Variants in TBCEL observed in about 807,000 individuals in gnomAD.
The protein encoded by TBCEL is tubulin-specific chaperone cofactor E-like protein.
A neutral mutation model predicts 44.2 loss-of-function variants in TBCEL; 15 were observed. That is an observed-to-expected ratio of 0.34 (90% CI 0.23 to 0.52). TBCEL has a LOEUF of 0.52. Ranked by LOEUF, TBCEL falls within the 20% of genes least tolerant of loss-of-function variation. The pLI is 0.95. For synonymous variants in TBCEL, 171 were observed against 185.4 expected, an observed-to-expected ratio of 0.92 and a Z score of 0.63; for missense variants, 319 against 506.3, an observed-to-expected ratio of 0.63 and a Z score of 3.55.
At chr11:121,081,784 A>T (rs964505051) in intron 8 of TBCEL, among the ~76,000 whole-genome samples, 1 of 152,212 alleles carries the variant, frequency 6.6e-6, no homozygotes, top group Non-Finnish European at 1.5e-5. Context: ...GAGAAAACAG[A>T]TTATCTTGAA....
chr11:121,032,787 T>C (rs1945167645), intron 1 of TBCEL, among the ~76,000 whole-genome samples: 1 of 152,236 alleles, frequency 6.6e-6, no homozygotes, highest in Non-Finnish European at 1.5e-5. Flanking sequence ...GAAGGCGTAG[T>C]GCCACCTTGT....
At chr11:121,082,809 C>G (rs1284077883) in intron 8 of TBCEL, among the ~76,000 whole-genome samples, 1 of 152,204 alleles carries the variant, frequency 6.6e-6, no homozygotes, top group South Asian at 2.1e-4. Flanking sequence ...ACCAAGGGCA[C>G]TGCGCACCTT....
intron 6 of TBCEL, among the ~76,000 whole-genome samples, chr11:121,056,989 A>T (rs1348142703): frequency 6.6e-6 from 1 of 151,894 alleles, no homozygotes; most frequent in Admixed American, 6.6e-5. Flanking sequence ...CTACATAATT[A>T]GAAATAACTC....
In TBCEL at chr11:121,056,088, A is replaced by T. The variant is rs568988596; in HGVS notation, c.712+780A>T. Among the ~76,000 whole-genome samples the T allele has an allele frequency of 1.4e-4, 22 of 151,950 alleles. No individual in the cohort carries two copies. In the South Asian group the frequency reaches 4.6e-3, roughly 32 times the overall value. ...TGTAGTGACATGTATCCACCATTGT[A>T]GTAACATTCAGAATAGTTTCCCTGC... On this transcript the variant is annotated intron_variant, in intron 6 of 8. Coordinates refer to ENST00000683345, the MANE Select transcript of TBCEL (RefSeq NM_001363644.2).
chr11:121,035,808 G>A (rs1945221637), intron 1 of TBCEL: 1 of 152,136 alleles, frequency 6.6e-6, no homozygotes, highest in Non-Finnish European at 1.5e-5. Flanking sequence ...TTGCTTTTTG[G>A]AAGGATGGAA....
intron 1 of TBCEL, among the ~76,000 whole-genome samples, chr11:121,027,987 G>A (rs765780914): frequency 6.6e-6 from 1 of 151,950 alleles, no homozygotes; most frequent in African/African-American, 2.4e-5. Flanking sequence ...TAGGAGGATC[G>A]CTTGAATCCA....
intron 8 of TBCEL, among the ~76,000 whole-genome samples, chr11:121,080,839 TACC>T (rs1946111789): frequency 6.6e-6 from 1 of 152,152 alleles, no homozygotes; most frequent in African/African-American, 2.4e-5. Flanking sequence ...GAAACAGGCA[TACC>T]TCTCCTAAAA....
At chr11:121,038,209 C>T (rs1945268297) in intron 2 of TBCEL, among the ~76,000 whole-genome samples, 1 of 152,072 alleles carries the variant, frequency 6.6e-6, no homozygotes, top group African/African-American at 2.4e-5. Flanking sequence ...GGTGATCCAC[C>T]TGCCTCAGCC....
At position 121,088,030 on chromosome 11, in the gene TBCEL, A is replaced by G. The variant is rs1946243555; in HGVS notation, c.*934A>G. On this transcript the variant is annotated 3_prime_UTR_variant, in exon 9 of 9. Transcript: ENST00000683345. Reference sequence around the variant, plus strand: ...GGCCTGACTTCATAAATAATTCAATAGAGTCCTGGATACGTGCACCAGGAG... The same window carrying G: ...GGCCTGACTTCATAAATAATTCAATGGAGTCCTGGATACGTGCACCAGGAG... 1 of 152,230 alleles carries G rather than the reference A, an allele frequency of 6.6e-6. No individual in the cohort carries two copies. Among genetic ancestry groups the G allele is most frequent in the South Asian group, 2.1e-4 (1 of 4,824 alleles). 9.4% of individuals were successfully genotyped at this position (152,230 alleles called of 1,614,324 possible).
chr11:121,065,061 C>T (rs371274941), intron 8 of TBCEL, among the ~76,000 whole-genome samples: 15 of 152,186 alleles, frequency 9.9e-5, no homozygotes, highest in Admixed American at 4.6e-4. Context: ...CTCCTGACCT[C>T]GTGATCCGCC....
At chr11:121,069,708 C>G (rs1945889256) in intron 8 of TBCEL, among the ~76,000 whole-genome samples, 1 of 152,020 alleles carries the variant, frequency 6.6e-6, no homozygotes, top group Non-Finnish European at 1.5e-5. Context: ...AGGATAATCA[C>G]TTGAACCTGG....
chr11:121,025,816 T>C (rs939939718), intron 1 of TBCEL, among the ~76,000 whole-genome samples: 1 of 152,106 alleles, frequency 6.6e-6, no homozygotes, highest in African/African-American at 2.4e-5. Context: ...CGTAGCATAT[T>C]TGACCTGTGT....
intron 6 of TBCEL, among the ~76,000 whole-genome samples, chr11:121,055,858 C>A (rs1945610404): frequency 6.6e-6 from 1 of 151,546 alleles, no homozygotes; most frequent in Non-Finnish European, 1.5e-5. Flanking sequence ...TTTTCATATA[C>A]CCCTTGTTCC....
intron 8 of TBCEL, among the ~76,000 whole-genome samples, chr11:121,071,910 C>G (rs947805376): frequency 6.6e-6 from 1 of 152,118 alleles, no homozygotes; most frequent in Non-Finnish European, 1.5e-5. Flanking sequence ...AGGAACATTT[C>G]TATACTGGAC....
intron 2 of TBCEL, among the ~76,000 whole-genome samples, chr11:121,044,511 AT>A (rs1945394404): frequency 6.6e-6 from 1 of 152,074 alleles, no homozygotes; most frequent in Admixed American, 6.6e-5. Context: ...TTCTTATGAT[AT>A]CCCTTCTTCT....
intron 6 of TBCEL, 50 bp downstream of exon 6, chr11:121,055,358 T>C: frequency 6.8e-7 from 1 of 1,468,234 alleles, no homozygotes; most frequent in Non-Finnish European, 9.1e-7. Context: ...CCTGAGCATA[T>C]GCATGAAATA....
intron 2 of TBCEL, among the ~76,000 whole-genome samples, chr11:121,043,216 C>T (rs142867888): frequency 1.3e-5 from 2 of 152,218 alleles, no homozygotes; most frequent in East Asian, 3.9e-4. Flanking sequence ...TTCTCAGCAC[C>T]TGAGAGGCTA....
At chr11:121,054,013 T>TG (rs1301905376) in intron 5 of TBCEL, among the ~76,000 whole-genome samples, 1 of 151,790 alleles carries the variant, frequency 6.6e-6, no homozygotes, top group Non-Finnish European at 1.5e-5. Flanking sequence ...AACTCAGCCT[T>TG]ACTCTGTTTT....
chr11:121,058,454 G>C lies in TBCEL; in HGVS notation c.822G>C (p.Arg274Ser). The C allele has an allele frequency of 6.2e-7, 1 of 1,611,638 alleles. No homozygotes were observed. Among genetic ancestry groups the C allele is most frequent in the Non-Finnish European group, 8.5e-7 (1 of 1,178,184 alleles). ...AGCCATATACCACCGAGGAGCGAAG[G>C]AAATTGGTAATAGCCAGGTCTGTTG... ...LLQPYTTEERRKLVIARLPSV... is the reference protein window; with the variant it reads ...LLQPYTTEERSKLVIARLPSV... The change falls in exon 7 of 9, where the codon AGG becomes AGC. Residue 274 changes from arginine (R) to serine (S), a missense_variant. Transcript: ENST00000683345.
Sources: gnomAD v4.1 joint callset for allele counts (sites outside exome capture counted in the v4.1 genomes callset) on GRCh38, gnomAD v4.1.1 for gene constraint, MANE v1.5 for transcripts, NCBI Gene and HGNC (gene_info 2026-07-23, HGNC 2026-07-21) for gene names.